Variants in GLRA2 observed in about 807,000 individuals in gnomAD.
GLRA2 encodes glycine receptor alpha 2, also known as glycine receptor subunit alpha-2.
GLRA2 carries 11 observed loss-of-function variants against 31.6 expected under a neutral mutation model. The ratio of observed to expected loss-of-function variants is 0.35; its 90% CI spans 0.22 to 0.58. The LOEUF is 0.58. Ranked by LOEUF, GLRA2 falls within the 20% of genes least tolerant of loss-of-function variation. The pLI, the probability that GLRA2 is intolerant of heterozygous loss-of-function variation, is 0.84. For missense variants in GLRA2, 212 were observed against 351.8 expected (o/e 0.60, Z 3.18); for synonymous variants, 132 against 134.0 (o/e 0.99, Z 0.10).
chrX:14,609,616 A>G (rs1179556572), intron 7 of GLRA2, among the ~76,000 whole-genome samples: 1 of 111,697 alleles, frequency 9.0e-6, no homozygotes, highest in Non-Finnish European at 1.9e-5. Flanking sequence ...GAAGTCATTT[A>G]TAGTAATAAA....
chrX:14,543,809 TACAC>T (rs991421201), intron 2 of GLRA2, among the ~76,000 whole-genome samples: 8 of 112,020 alleles, frequency 7.1e-5, no homozygotes, highest in Non-Finnish European at 1.5e-4. Flanking sequence ...TAAAAATAAA[TACAC>T]AAATAAATAT....
chrX:14,627,122 A>G (rs958794638), intron 7 of GLRA2, among the ~76,000 whole-genome samples: 1 of 111,230 alleles, frequency 9.0e-6, no homozygotes, highest in African/African-American at 3.3e-5. Flanking sequence ...GTACTTCTCA[A>G]TATTTAAAAA....
chrX:14,497,945 C>T, the GLRA2 span, among the ~76,000 whole-genome samples: 1 of 111,043 alleles, frequency 9.0e-6, no homozygotes, highest in African/African-American at 3.3e-5. Context: ...AAGTAAAGTA[C>T]CTGCCATCAC....
the GLRA2 span, among the ~76,000 whole-genome samples, chrX:14,499,565 A>G: frequency 9.0e-6 from 1 of 111,570 alleles, no homozygotes; most frequent in South Asian, 3.7e-4. Context: ...AGCAACATGG[A>G]TGCAGCTGGA....
At chrX:14,702,492 T>C (rs1324281881) in intron 8 of GLRA2, among the ~76,000 whole-genome samples, 1 of 112,338 alleles carries the variant, frequency 8.9e-6, no homozygotes, top group Non-Finnish European at 1.9e-5. Flanking sequence ...TTTCCAAATC[T>C]GGGATGTATA....
intron 2 of GLRA2, among the ~76,000 whole-genome samples, chrX:14,550,762 A>G (rs997821634): frequency 2.7e-5 from 3 of 112,241 alleles, no homozygotes; most frequent in South Asian, 7.5e-4. Flanking sequence ...GAGTAGGAAG[A>G]TATTTTATGT....
the GLRA2 span, among the ~76,000 whole-genome samples, chrX:14,460,837 G>T: frequency 3.6e-5 from 4 of 109,731 alleles, no homozygotes; most frequent in Admixed American, 2.0e-4. Context: ...TTTTTGAAGG[G>T]TTTTTTTTGT....
the GLRA2 span, among the ~76,000 whole-genome samples, chrX:14,515,273 T>A: frequency 2.7e-5 from 3 of 112,014 alleles, no homozygotes; most frequent in African/African-American, 9.7e-5. Flanking sequence ...TTTTAAAAAA[T>A]CTATTTCCAA....
chrX:14,536,932 A>G (rs750123395), intron 2 of GLRA2, among the ~76,000 whole-genome samples: 1 of 111,793 alleles, frequency 8.9e-6, no homozygotes, highest in Admixed American at 9.5e-5. Flanking sequence ...ATTTTTTGAG[A>G]CATTATCTTT....
the GLRA2 span, among the ~76,000 whole-genome samples, chrX:14,455,276 T>C: frequency 8.9e-6 from 1 of 112,191 alleles, no homozygotes; most frequent in Non-Finnish European, 1.9e-5. Context: ...GTTTGATTTA[T>C]TTGACACTTA....
chrX:14,457,480 G>C, the GLRA2 span, among the ~76,000 whole-genome samples: 1 of 110,691 alleles, frequency 9.0e-6, no homozygotes, highest in East Asian at 2.8e-4. Flanking sequence ...ATAGTTTGCT[G>C]AGAATGATGG....
At chrX:14,705,137 C>T (rs945694684) in intron 8 of GLRA2, among the ~76,000 whole-genome samples, 2 of 112,273 alleles carry the variant, frequency 1.8e-5, no homozygotes, top group African/African-American at 3.2e-5. Flanking sequence ...ATGAAAACTA[C>T]ATTCTTTAAG....
chrX:14,707,556 ACCCACCC>A (rs1331713957), intron 8 of GLRA2, among the ~76,000 whole-genome samples: 25 of 72,025 alleles, frequency 3.5e-4, no homozygotes, highest in African/African-American at 1.3e-3. Flanking sequence ...TAGTTTTTTA[ACCCACCC>A]CCCACCCTCC....
chrX:14,603,645 A>G (rs1488956107), intron 4 of GLRA2, among the ~76,000 whole-genome samples: 1 of 112,019 alleles, frequency 8.9e-6, no homozygotes, highest in African/African-American at 3.2e-5. Context: ...GGATTTCATG[A>G]CCAAGAACCC....
At chrX:14,507,203 A>G in the GLRA2 span, among the ~76,000 whole-genome samples, 1 of 111,765 alleles carries the variant, frequency 8.9e-6, no homozygotes, top group Admixed American at 9.5e-5. Context: ...AATTCTGCAT[A>G]TTTTGAACTA....
the GLRA2 span, among the ~76,000 whole-genome samples, chrX:14,459,419 G>T: frequency 1.8e-5 from 2 of 110,660 alleles, no homozygotes; most frequent in South Asian, 3.9e-4. Flanking sequence ...GAAAGTCATT[G>T]GTAGCTTGAT....
chrX:14,486,544 TAAGC>T, the GLRA2 span, among the ~76,000 whole-genome samples: 8 of 111,798 alleles, frequency 7.2e-5, no homozygotes, highest in African/African-American at 2.6e-4. Context: ...TAATAAAAGT[TAAGC>T]AGGCACTTCA....
chrX:14,650,514 A>G (rs1174274822), intron 7 of GLRA2, among the ~76,000 whole-genome samples: 1 of 110,969 alleles, frequency 9.0e-6, no homozygotes, highest in African/African-American at 3.3e-5. Context: ...CTAGTGTCAG[A>G]GAGAGCTTCC....
chrX:14,521,936 A>T, the GLRA2 span, among the ~76,000 whole-genome samples: 1 of 112,051 alleles, frequency 8.9e-6, no homozygotes, highest in African/African-American at 3.2e-5. Flanking sequence ...CTCTATGTTG[A>T]TGGCTGCTGA....
Sources: gnomAD v4.1 joint callset for allele counts (sites outside exome capture counted in the v4.1 genomes callset) on GRCh38, gnomAD v4.1.1 for gene constraint, MANE v1.5 for transcripts, NCBI Gene and HGNC (gene_info 2026-07-23, HGNC 2026-07-21) for gene names.